NR1H4: variants seen among roughly 807,000 people sequenced by gnomAD.
NR1H4 encodes the protein bile acid receptor.
In NR1H4, 23 loss-of-function variants were observed where a neutral mutation model predicts 58.5. The ratio of observed to expected loss-of-function variants is 0.39; its 90% CI spans 0.28 to 0.56. NR1H4 has a LOEUF of 0.56. Ranked by LOEUF, NR1H4 falls within the 20% of genes least tolerant of loss-of-function variation. NR1H4 has a pLI of 0.58. For missense variants in NR1H4, 487 were observed against 576.9 expected (o/e 0.84, Z 1.60); for synonymous variants, 214 against 198.0 (o/e 1.08, Z -0.68).
chr12:100,507,846 A>G (rs1356699305), intron 3 of NR1H4, among the ~76,000 whole-genome samples: 1 of 152,172 alleles, frequency 6.6e-6, no homozygotes, highest in Non-Finnish European at 1.5e-5. Context: ...TGTTCTGTCA[A>G]TCATTTCCTG....
intron 9 of NR1H4, among the ~76,000 whole-genome samples, chr12:100,549,523 C>T (rs1237695413): frequency 2.6e-5 from 4 of 152,110 alleles, no homozygotes; most frequent in African/African-American, 9.7e-5. Context: ...AAGAGAACTA[C>T]TAATGCAATA....
intron 4 of NR1H4, among the ~76,000 whole-genome samples, chr12:100,520,571 A>C (rs1300144003): frequency 6.6e-6 from 1 of 152,154 alleles, no homozygotes; most frequent in African/African-American, 2.4e-5. Flanking sequence ...CTTCACTGGC[A>C]ATCACTAACT....
At chr12:100,528,326 C>T (rs1954612175) in intron 4 of NR1H4, among the ~76,000 whole-genome samples, 1 of 151,764 alleles carries the variant, frequency 6.6e-6, no homozygotes, top group Non-Finnish European at 1.5e-5. Flanking sequence ...GAGATCACGC[C>T]ACTGCACTTC....
chr12:100,492,930 C>A (rs972695815), intron 2 of NR1H4, among the ~76,000 whole-genome samples: 1 of 151,766 alleles, frequency 6.6e-6, no homozygotes, highest in Non-Finnish European at 1.5e-5. Context: ...TAAATCAAGG[C>A]CTTTTATATT....
At chr12:100,560,648 G>A (rs1466306964) in intron 9 of NR1H4, among the ~76,000 whole-genome samples, 1 of 152,184 alleles carries the variant, frequency 6.6e-6, no homozygotes, top group Non-Finnish European at 1.5e-5. Flanking sequence ...GCGAGGGTCC[G>A]CGGCTTCATT....
At chr12:100,542,980 G>A (rs1954972532) in intron 9 of NR1H4, among the ~76,000 whole-genome samples, 2 of 152,116 alleles carry the variant, frequency 1.3e-5, no homozygotes, top group African/African-American at 4.8e-5. Context: ...CTAATGGGAA[G>A]AGATTAACTG....
intron 1 of NR1H4, among the ~76,000 whole-genome samples, chr12:100,474,728 C>CA (rs1953230716): frequency 6.6e-6 from 1 of 152,154 alleles, no homozygotes; most frequent in Admixed American, 6.5e-5. Context: ...TCCTTATTGA[C>CA]AGAGTGAATG....
intron 4 of NR1H4, among the ~76,000 whole-genome samples, chr12:100,512,615 T>C (rs1474658536): frequency 6.6e-6 from 1 of 150,504 alleles, no homozygotes; most frequent in Non-Finnish European, 1.5e-5. Context: ...CACTCCAGCC[T>C]GGGCAACTGA....
intron 3 of NR1H4, among the ~76,000 whole-genome samples, chr12:100,509,979 G>A (rs1027148396): frequency 9.9e-5 from 15 of 152,040 alleles, no homozygotes; most frequent in Admixed American, 3.3e-4. Flanking sequence ...ATACACATTG[G>A]TCTATAGCTT....
chr12:100,537,040 G>C lies in NR1H4; in HGVS notation c.924G>C (p.Lys308Asn). ...AGGTTCTTGTAGAATTCACAAAAAA[G>C]CTACCAGGTATTTTTTAAATAATCA... is the stretch of plus-strand genomic sequence containing the variant. ...HVQVLVEFTK[K>N]LPGFQTLDHE... is the part of the protein sequence containing the mutation. Residue 308 changes from lysine (K) to asparagine (N), a missense_variant, in exon 8 of 11, where the codon AAG becomes AAC. Lys to Asn is a moderately conservative substitution (Grantham distance 94, BLOSUM62 0). Coordinates refer to ENST00000392986, the MANE Select transcript of NR1H4 (RefSeq NM_001206979.2). The C allele has an allele frequency of 6.3e-7, 1 of 1,582,588 alleles. No homozygotes were observed. The highest frequency in any genetic ancestry group is 8.6e-7 in the Non-Finnish European group (1 of 1,157,028).
intron 4 of NR1H4, among the ~76,000 whole-genome samples, chr12:100,521,213 AAT>A (rs1371463739): frequency 6.6e-6 from 1 of 152,108 alleles, no homozygotes; most frequent in African/African-American, 2.4e-5. Flanking sequence ...TTCCACTAAA[AAT>A]ATTTTAATTT....
In NR1H4 at chr12:100,507,050, G is replaced by T. The variant is rs933394132; in HGVS notation, c.80-3728G>T. Among the ~76,000 whole-genome samples the T allele has an allele frequency of 7.2e-5, 11 of 152,106 alleles. 1 individual carries two copies. The highest frequency in any genetic ancestry group is 1.0e-4 in the Non-Finnish European group (7 of 68,026). On this transcript the variant is annotated intron_variant, in intron 3 of 10. Transcript: ENST00000392986. ...CTTAAAGATTTTAGAATTGTCATAT[G>T]AGGAGAAAAAAAGTACACATCTCCT...
At chr12:100,559,346 G>A (rs1273751663) in intron 9 of NR1H4, among the ~76,000 whole-genome samples, 1 of 152,208 alleles carries the variant, frequency 6.6e-6, no homozygotes, top group Admixed American at 6.5e-5. Context: ...GCCAAGGCTG[G>A]AGCCCACTCC....
chr12:100,522,008 G>A (rs770271443), intron 4 of NR1H4, among the ~76,000 whole-genome samples: 1 of 152,068 alleles, frequency 6.6e-6, no homozygotes, highest in African/African-American at 2.4e-5. Context: ...TCCAATCCCA[G>A]CTGATTCTCT....
intron 10 of NR1H4, 74 bp from the exon 11 acceptor site, chr12:100,563,177 C>T (rs1034750619): frequency 6.1e-6 from 7 of 1,140,956 alleles, no homozygotes; most frequent in African/African-American, 1.5e-5. Context: ...AAATAGTTAA[C>T]GTTGCTATAA....
intron 4 of NR1H4, among the ~76,000 whole-genome samples, chr12:100,512,049 A>G (rs1039276333): frequency 6.6e-6 from 1 of 151,490 alleles, no homozygotes; most frequent in Non-Finnish European, 1.5e-5. Flanking sequence ...ATAGAGCAAC[A>G]TGGGAAAACC....
At chr12:100,504,660 C>T (rs926013039) in intron 3 of NR1H4, among the ~76,000 whole-genome samples, 1 of 152,162 alleles carries the variant, frequency 6.6e-6, no homozygotes, top group Non-Finnish European at 1.5e-5. Flanking sequence ...ATTACAGCCT[C>T]TCATGCAGGC....
At chr12:100,505,295 A>G (rs1054477857) in intron 3 of NR1H4, among the ~76,000 whole-genome samples, 3 of 152,206 alleles carry the variant, frequency 2.0e-5, no homozygotes, top group African/African-American at 7.2e-5. Context: ...ATTTGGGGGT[A>G]CAGTGGTTCT....
intron 9 of NR1H4, among the ~76,000 whole-genome samples, chr12:100,556,804 TCAGTA>T (rs1296871233): frequency 6.6e-6 from 1 of 152,226 alleles, no homozygotes; most frequent in Non-Finnish European, 1.5e-5. Flanking sequence ...TACTGGCTTA[TCAGTA>T]CTTCCTGCAC....
Sources: allele counts gnomAD v4.1 joint callset (sites outside exome capture counted in the v4.1 genomes callset), GRCh38; gene constraint gnomAD v4.1.1; transcripts MANE v1.5; gene names NCBI Gene and HGNC (gene_info 2026-07-23, HGNC 2026-07-21).